AMPH: variants seen among roughly 807,000 people sequenced by gnomAD.
AMPH encodes amphiphysin (Stiff-Mann syndrome with breast cancer 128kD autoantigen).
Under a neutral mutation model 99.1 loss-of-function variants are expected in AMPH, and 49 were observed. The ratio of observed to expected loss-of-function variants is 0.49; its 90% CI spans 0.39 to 0.63. AMPH has a LOEUF of 0.63. Ranked by LOEUF, AMPH falls within the 20% of genes least tolerant of loss-of-function variation. The pLI is 0.00. For synonymous variants in AMPH, 314 were observed against 317.3 expected (o/e 0.99, Z 0.11); for missense variants, 759 against 863.4 (o/e 0.88, Z 1.52).
At chr7:38,594,314 G>A (rs879558852) in intron 1 of AMPH, among the ~76,000 whole-genome samples, 1 of 152,198 alleles carries the variant, frequency 6.6e-6, no homozygotes, top group Non-Finnish European at 1.5e-5. Context: ...TGAATTCCAA[G>A]TTCCTTCCAA....
At chr7:38,541,130 A>G (rs1222393757) in intron 1 of AMPH, among the ~76,000 whole-genome samples, 1 of 151,798 alleles carries the variant, frequency 6.6e-6, no homozygotes, top group Non-Finnish European at 1.5e-5. Context: ...TCTGAACAGG[A>G]CATGGAGGGG....
At chr7:38,539,852 T>C (rs1790748083) in intron 1 of AMPH, among the ~76,000 whole-genome samples, 1 of 152,208 alleles carries the variant, frequency 6.6e-6, no homozygotes, top group Non-Finnish European at 1.5e-5. Context: ...TCCAGCAGCC[T>C]CAATGGAGGT....
intron 1 of AMPH, among the ~76,000 whole-genome samples, chr7:38,591,142 TC>T (rs1460713241): frequency 6.6e-6 from 1 of 152,110 alleles, no homozygotes; most frequent in East Asian, 1.9e-4. Flanking sequence ...CTCCTCTGAT[TC>T]CCATGGCAAG....
At chr7:38,449,438 G>A (rs1786920645) in intron 11 of AMPH, among the ~76,000 whole-genome samples, 1 of 152,192 alleles carries the variant, frequency 6.6e-6, no homozygotes, top group Non-Finnish European at 1.5e-5. Context: ...AGGTTAAACT[G>A]AATGAGACCT....
At chr7:38,484,439 G>A (rs764864537) in intron 5 of AMPH, among the ~76,000 whole-genome samples, 93 of 152,186 alleles carry the variant, frequency 6.1e-4, no homozygotes, top group South Asian at 1.2e-3. Context: ...CCAGAAGGGC[G>A]TCAGATGACG....
rs547461413 is a variant in AMPH at position 38,384,418 on chromosome 7, G to T, written c.*400C>A. ...GAGAGCACGTGCTCACACCTGGGCA[G>T]GGGAATAAGATAATCTTGTACTACA... On this transcript the variant is annotated 3_prime_UTR_variant, in exon 21 of 21. Coordinates refer to ENST00000356264, the MANE Select transcript of AMPH (RefSeq NM_001635.4). The T allele has an allele frequency of 8.4e-5, 14 of 167,490 alleles. No homozygotes were observed. Among genetic ancestry groups the T allele is most frequent in the Non-Finnish European group, 1.9e-4 (14 of 75,644 alleles). The allele number at this position is 167,490 out of a possible 1,614,324, so 10.4% of individuals were successfully genotyped here.
At chr7:38,465,398 G>T (rs1405102310) in intron 9 of AMPH, 69 bp downstream of exon 9, 1 of 1,344,920 alleles carries the variant, frequency 7.4e-7, no homozygotes, top group South Asian at 1.3e-5. Flanking sequence ...AATAGTACAG[G>T]CTGGTCCACA....
intron 1 of AMPH, among the ~76,000 whole-genome samples, chr7:38,611,276 A>T (rs1278638858): frequency 6.6e-6 from 1 of 152,226 alleles, no homozygotes; most frequent in African/African-American, 2.4e-5. Flanking sequence ...ATAGAATCAA[A>T]GAGTAGAATG....
chr7:38,522,524 G>C (rs73354436), intron 2 of AMPH, among the ~76,000 whole-genome samples: 122 of 152,202 alleles, frequency 8.0e-4, no homozygotes, highest in African/African-American at 2.8e-3. Context: ...AATGCAGCAG[G>C]CATACCATCA....
At chr7:38,612,084 C>CTTTTTTTTTTTTTTTTTTTTTTTTT (rs777855014) in intron 1 of AMPH, among the ~76,000 whole-genome samples, 1 of 90,860 alleles carries the variant, frequency 1.1e-5, no homozygotes. Context: ...TTTTTGTCTT[C>CTTTTTTTTTTTTTTTTTTTTTTTTT]TTCTTTTTTT....
chr7:38,559,107 C>A (rs1335959560), intron 1 of AMPH, among the ~76,000 whole-genome samples: 1 of 152,166 alleles, frequency 6.6e-6, no homozygotes, highest in African/African-American at 2.4e-5. Flanking sequence ...ATGTGTTTTC[C>A]AGCCTTCTCA....
chr7:38,483,176 T>C (rs1051317815), intron 5 of AMPH, among the ~76,000 whole-genome samples: 2 of 152,122 alleles, frequency 1.3e-5, no homozygotes, highest in African/African-American at 2.4e-5. Context: ...GAGTGCCTTC[T>C]ACTTGCCTGT....
chr7:38,541,576 T>C (rs1476166074), intron 1 of AMPH, among the ~76,000 whole-genome samples: 2 of 152,236 alleles, frequency 1.3e-5, no homozygotes, highest in African/African-American at 4.8e-5. Context: ...ATTTTAACAG[T>C]GCATTAGCCA....
intron 2 of AMPH, among the ~76,000 whole-genome samples, chr7:38,526,652 C>T (rs558902863): frequency 7.2e-5 from 11 of 152,064 alleles, no homozygotes; most frequent in Admixed American, 3.9e-4. Context: ...GTTTCTTTTA[C>T]GTATTCTGGA....
rs1411608588 is a variant in AMPH, at chr7:38,525,410, T to C, written c.150+9521A>G. On this transcript the variant is annotated intron_variant, in intron 2 of 20. Transcript: ENST00000356264. ...CATAGATGCAACCTACCCATCTTATTCAGCTTCTCCCAGTTTTACCTGTAC... is the reference window on the plus strand; with the variant it reads ...CATAGATGCAACCTACCCATCTTATCCAGCTTCTCCCAGTTTTACCTGTAC... Among the ~76,000 whole-genome samples, 4 of 149,588 alleles carry C rather than the reference T, an allele frequency of 2.7e-5. No homozygotes were observed. In the Admixed American group the frequency reaches 2.7e-4, roughly 10 times the overall value.
chr7:38,390,472 A>G (rs554970382), intron 19 of AMPH, among the ~76,000 whole-genome samples: 1 of 152,340 alleles, frequency 6.6e-6, no homozygotes, highest in Non-Finnish European at 1.5e-5. Flanking sequence ...AAGAAATAAC[A>G]TAATGAACCC....
chr7:38,608,044 G>A (rs1043280282), intron 1 of AMPH, among the ~76,000 whole-genome samples: 1 of 151,590 alleles, frequency 6.6e-6, no homozygotes, highest in Non-Finnish European at 1.5e-5. Context: ...TCACTGTGTT[G>A]TCCAGGCTGG....
At chr7:38,480,669 T>C (rs1019587243) in intron 5 of AMPH, among the ~76,000 whole-genome samples, 2 of 152,186 alleles carry the variant, frequency 1.3e-5, no homozygotes, top group Non-Finnish European at 2.9e-5. Context: ...ACTCAAAGTA[T>C]GCAATGAGTT....
chr7:38,451,949 G>A (rs17171358), intron 11 of AMPH, among the ~76,000 whole-genome samples: 3,281 of 152,144 alleles, frequency 0.022, 119 homozygotes, highest in African/African-American at 0.075. Flanking sequence ...TCATAACCAC[G>A]GGGCATCTCC....
Sources: allele counts gnomAD v4.1 joint callset (sites outside exome capture counted in the v4.1 genomes callset), GRCh38; gene constraint gnomAD v4.1.1; transcripts MANE v1.5; gene names NCBI Gene and HGNC (gene_info 2026-07-23, HGNC 2026-07-21).